PSMB5: variants seen among roughly 807,000 people sequenced by gnomAD.
The protein encoded by PSMB5 is proteasome subunit beta type-5.
Under a neutral mutation model 22.8 loss-of-function variants are expected in PSMB5, and 2 were observed. The observed-to-expected ratio is 0.09, with a 90% CI of 0.04 to 0.28. The LOEUF is 0.28. Among genes scored for constraint, PSMB5 ranks in the 10% least tolerant of loss-of-function variants. PSMB5 has a pLI of 1.00. For missense variants in PSMB5, 269 were observed against 343.8 expected (o/e 0.78, Z 1.72); for synonymous variants, 133 against 135.3 (o/e 0.98, Z 0.12).
In PSMB5 at chr14:23,025,876, T is replaced by G. The variant is rs1664193101; in HGVS notation, c.*213A>C. On this transcript the variant is annotated 3_prime_UTR_variant, in exon 3 of 3. Transcript: ENST00000361611. Reference sequence around the variant, plus strand: ...TGAGATTGAGTAGTGAGTAGTGTAATGTTAACATCCAAGAAAGTAAAACAA... The same window carrying G: ...TGAGATTGAGTAGTGAGTAGTGTAAGGTTAACATCCAAGAAAGTAAAACAA... 1 of 1,412,488 alleles carries G rather than the reference T, an allele frequency of 7.1e-7. No homozygotes were observed. Among genetic ancestry groups the G allele is most frequent in the East Asian group, 2.6e-5 (1 of 38,314 alleles). The allele number at this position is 1,412,488 out of a possible 1,614,324, so 87.5% of individuals were successfully genotyped here.
At chr14:23,034,364 G>C in intron 1 of PSMB5, 1 of 301,684 alleles carries the variant, frequency 3.3e-6, no homozygotes. Context: ...CCTTCCCTCG[G>C]CCAAGATTCA....
chr14:23,035,031 C>T, upstream of PSMB5: 2 of 1,412,336 alleles, frequency 1.4e-6, no homozygotes, highest in Non-Finnish European at 1.9e-6. Flanking sequence ...AAAAGAAGAG[C>T]CAGATGCGAA....
intron 1 of PSMB5, among the ~76,000 whole-genome samples, chr14:23,034,322 G>A (rs964535676): frequency 1.3e-5 from 2 of 152,134 alleles, no homozygotes; most frequent in South Asian, 2.1e-4. Flanking sequence ...GGGCCGCCCA[G>A]TTTCCAAAAC....
chr14:23,026,973 TCAGGAGGCTGATG>T (rs1199067457), intron 2 of PSMB5, among the ~76,000 whole-genome samples: 1 of 151,566 alleles, frequency 6.6e-6, no homozygotes, highest in Non-Finnish European at 1.5e-5. Flanking sequence ...TCCCAGCTAC[TCAGGAGGCTGATG>T]CAGGAGAATC....
At chr14:23,026,519 G>T in intron 2 of PSMB5, 144 bp from the exon 3 acceptor site, 1 of 1,164,102 alleles carries the variant, frequency 8.6e-7, no homozygotes, top group Non-Finnish European at 1.2e-6. Context: ...GCGCAATCTC[G>T]GCTCACCACA....
At position 23,033,382 on chromosome 14, in the gene PSMB5, T is replaced by C. The variant is rs746423543; in HGVS notation, c.491A>G (p.Asp164Gly). 2 of 1,610,308 alleles carry C rather than the reference T, an allele frequency of 1.2e-6. No homozygotes were observed. The highest frequency in any genetic ancestry group is 2.2e-5 in the East Asian group (1 of 44,740). The change falls in exon 2 of 3, where the codon GAT becomes GGT. Residue 164 changes from aspartate to glycine, a missense_variant. Transcript: ENST00000361611. Reference protein sequence around the residue: ...LSMGTMICGWDKRGPGLYYVD... With the variant: ...LSMGTMICGWGKRGPGLYYVD... ...GCTTAACTCACCAGGGCCTCTCTTA[T>C]CCCAGCCACAGATCATGGTGCCCAT... is the stretch of plus-strand genomic sequence containing the variant.
At chr14:23,029,754 C>T (rs972238237) in intron 2 of PSMB5, among the ~76,000 whole-genome samples, 10 of 151,996 alleles carry the variant, frequency 6.6e-5, no homozygotes, top group African/African-American at 2.4e-4. Flanking sequence ...GCTGGGATTA[C>T]AGGCATGTGC....
At chr14:23,035,209 G>T, upstream of PSMB5, 3 of 302,434 alleles carry the variant, frequency 9.9e-6, no homozygotes, top group South Asian at 1.1e-4. Flanking sequence ...TAAGGGAAGT[G>T]AGGTCGGCCA....
intron 2 of PSMB5, among the ~76,000 whole-genome samples, chr14:23,026,647 A>C (rs2046916024): frequency 6.6e-6 from 1 of 151,300 alleles, no homozygotes; most frequent in African/African-American, 2.4e-5. Flanking sequence ...ACGGGGTTTC[A>C]CCATGTTGGT....
rs1476481152 is a variant in PSMB5, at chr14:23,034,893, G to A, written c.-12C>T. ...CTGGCAAGCGCCATGTCTAGTGTGG[G>A]CAGAAAGAACTAATTCTGAGAACGC... On this transcript the variant is annotated 5_prime_UTR_variant, in exon 1 of 3. Transcript: ENST00000361611. 12 of 1,612,046 alleles carry A rather than the reference G, an allele frequency of 7.4e-6. No individual in the cohort carries two copies. The highest frequency in any genetic ancestry group is 2.7e-5 in the African/African-American group (2 of 74,838).
chr14:23,032,049 G>A (rs147828420), intron 2 of PSMB5, among the ~76,000 whole-genome samples: 15 of 151,662 alleles, frequency 9.9e-5, no homozygotes, highest in Admixed American at 3.9e-4. Context: ...AGATCCCGCC[G>A]CTGCACTCCA....
chr14:23,027,075 G>C (rs1458415341), intron 2 of PSMB5, among the ~76,000 whole-genome samples: 1 of 129,896 alleles, frequency 7.7e-6, no homozygotes, highest in African/African-American at 2.9e-5. Context: ...AGAGTGAAAC[G>C]CTGTCTCAAA....
intron 2 of PSMB5, among the ~76,000 whole-genome samples, chr14:23,032,163 G>A (rs1047448540): frequency 2.6e-5 from 4 of 152,128 alleles, no homozygotes; most frequent in Admixed American, 6.6e-5. Context: ...AAAGAGAAGA[G>A]GCCGGGTGCA....
In PSMB5 at chr14:23,033,681, A is replaced by G; in HGVS notation, c.199-7T>C. ...CTATGACTCCATGGCGGAACTGTTA[A>G]GATCAGAGGAAAACACAAAACAGGC... On this transcript the variant is annotated splice_polypyrimidine_tract_variant and splice_region_variant and intron_variant, in intron 1 of 2. Coordinates refer to ENST00000361611, the MANE Select transcript of PSMB5 (RefSeq NM_002797.5). 6.3e-7 allele frequency: 1 copy of G among 1,596,762 alleles called. No individual in the cohort carries two copies. The highest frequency in any genetic ancestry group is 8.6e-7 in the Non-Finnish European group (1 of 1,166,944).
At chr14:23,029,426 T>A (rs1315459546) in intron 2 of PSMB5, among the ~76,000 whole-genome samples, 2 of 152,186 alleles carry the variant, frequency 1.3e-5, no homozygotes, top group Non-Finnish European at 2.9e-5. Flanking sequence ...TCCCTTTCCC[T>A]TTTTTACATC....
Position 23,025,898 on chromosome 14 carries a change from A to T in PSMB5, c.*191T>A, listed in dbSNP as rs1426061544. 2 of 1,430,910 alleles carry T rather than the reference A, an allele frequency of 1.4e-6. No individual in the cohort carries two copies. Among genetic ancestry groups the T allele is most frequent in the African/African-American group, 2.9e-5 (2 of 69,638 alleles). 88.6% of individuals were successfully genotyped at this position (1,430,910 alleles called of 1,614,324 possible). The stretch of plus-strand genomic sequence containing the variant: ...TAATGTTAACATCCAAGAAAGTAAA[A>T]CAAATAGTCACCTCTGCAGCAGCTC... On this transcript the variant is annotated 3_prime_UTR_variant, in exon 3 of 3. Coordinates refer to ENST00000361611, the MANE Select transcript of PSMB5 (RefSeq NM_002797.5).
At chr14:23,029,111 G>A (rs916220265) in intron 2 of PSMB5, among the ~76,000 whole-genome samples, 1 of 152,184 alleles carries the variant, frequency 6.6e-6, no homozygotes, top group African/African-American at 2.4e-5. Flanking sequence ...TGTGGGGTGG[G>A]AAACAGGTAT....
At chr14:23,034,356 T>C in intron 1 of PSMB5, 1 of 288,478 alleles carries the variant, frequency 3.5e-6, no homozygotes. Context: ...TACAATAGCC[T>C]TCCCTCGGCC....
chr14:23,035,141 G>A (rs2046982989), upstream of PSMB5: 3 of 550,912 alleles, frequency 5.4e-6, no homozygotes, highest in South Asian at 4.7e-5. Flanking sequence ...CATGCAAGTA[G>A]TCCTGGATCA....
Sources: gnomAD v4.1 joint callset for allele counts (sites outside exome capture counted in the v4.1 genomes callset) on GRCh38, gnomAD v4.1.1 for gene constraint, MANE v1.5 for transcripts, NCBI Gene and HGNC (gene_info 2026-07-23, HGNC 2026-07-21) for gene names.